UBE2J2: variants seen among roughly 807,000 people sequenced by gnomAD.
UBE2J2 encodes the protein ubiquitin-conjugating enzyme E2 J2.
UBE2J2 carries 5 observed loss-of-function variants against 28.6 expected under a neutral mutation model. That is an observed-to-expected ratio of 0.17 (90% CI 0.09 to 0.37). UBE2J2 has a LOEUF of 0.37. Among genes scored for constraint, UBE2J2 ranks in the 10% least tolerant of loss-of-function variants. The pLI, the probability that UBE2J2 is intolerant of heterozygous loss-of-function variation, is 1.00. For missense variants in UBE2J2, 226 were observed against 338.9 expected (o/e 0.67, Z 2.62); for synonymous variants, 138 against 139.7 (o/e 0.99, Z 0.09).
chr1:1,263,756 G>A (rs566832050), intron 2 of UBE2J2, among the ~76,000 whole-genome samples: 286 of 152,226 alleles, frequency 1.9e-3, no homozygotes, highest in Middle Eastern at 3.4e-3. Flanking sequence ...CACTTTGGGA[G>A]GGCACGGTGG....
intron 3 of UBE2J2, 108 bp from the exon 4 acceptor site, chr1:1,257,418 C>A (rs1639267705): frequency 1.6e-6 from 1 of 644,342 alleles, no homozygotes; most frequent in South Asian, 1.9e-5. Flanking sequence ...CTCAGCTCGG[C>A]TCCCGAGTCC....
Position 1,256,079 on chromosome 1 carries a change from T to G in UBE2J2, c.461A>C (p.Lys154Thr). 1.2e-6 allele frequency: 2 copies of G among 1,613,836 alleles called. No homozygotes were observed. The highest frequency in any genetic ancestry group is 1.7e-6 in the Non-Finnish European group (2 of 1,179,770). The change falls in exon 6 of 7, where the codon AAA becomes ACA. Residue 154 changes from lysine (K) to threonine (T), a missense_variant. Lys to Thr is a moderately conservative substitution (Grantham distance 78). Around this residue, in one of 3 missense-constraint regions of UBE2J2, gnomAD observed 133 missense variants for 161.5 expected, o/e 0.82. Coordinates refer to ENST00000349431, the MANE Select transcript of UBE2J2 (RefSeq NM_058167.3). ...TTCAGGAAATAATTCACAAAAGACT[T>G]TATCTTTCAAATTAAATGCTAAACT... ...VQSLAFNLKD[K>T]VFCELFPEVV... is the part of the protein sequence containing the mutation.
At chr1:1,260,528 C>G (rs1168547613) in intron 3 of UBE2J2, among the ~76,000 whole-genome samples, 1 of 152,224 alleles carries the variant, frequency 6.6e-6, no homozygotes, top group African/African-American at 2.4e-5. Flanking sequence ...TATCCCACTG[C>G]TTGTCACCCG....
chr1:1,268,093 T>G lies in UBE2J2; in HGVS notation c.1-101A>C. 6.6e-7 allele frequency: 1 copy of G among 1,507,272 alleles called. No homozygotes were observed. The allele number at this position is 1,507,272 out of a possible 1,614,324, so 93.4% of individuals were successfully genotyped here. ...CCCGCCTCTGCAGCCCGCCATTCAT[T>G]CAGGGCCCGGTCACCCAGAGTCACA... On this transcript the variant is annotated intron_variant, in intron 1 of 6. Transcript: ENST00000349431. This position sits in a 1 kb window ranked among gnomAD's most constrained non-coding sequence, Gnocchi z 4.7.
At chr1:1,266,227 GAGA>G (rs1373520969) in intron 2 of UBE2J2, 23 of 1,215,440 alleles carry the variant, frequency 1.9e-5, no homozygotes, top group Non-Finnish European at 2.4e-5. Context: ...CTGTGAGCCA[GAGA>G]AGGTGGACCC....
chr1:1,262,261 T>C (rs1307626330), intron 3 of UBE2J2: 1 of 452,432 alleles, frequency 2.2e-6, no homozygotes, highest in South Asian at 1.6e-5. Flanking sequence ...TCCCGGGCCT[T>C]ATCTCACCAC....
At chr1:1,266,882 T>C (rs1409927136) in intron 2 of UBE2J2, among the ~76,000 whole-genome samples, 1 of 151,490 alleles carries the variant, frequency 6.6e-6, no homozygotes, top group Non-Finnish European at 1.5e-5. Context: ...CATCCTTACA[T>C]TTTATTTTAT....
intron 1 of UBE2J2, among the ~76,000 whole-genome samples, chr1:1,270,853 C>G (rs939515266): frequency 6.6e-6 from 1 of 152,156 alleles, no homozygotes; most frequent in Admixed American, 6.5e-5. Context: ...CAAGACAGAG[C>G]AGCCCCAGCC....
chr1:1,266,828 AAAT>A (rs767336507), intron 2 of UBE2J2, among the ~76,000 whole-genome samples: 136 of 152,316 alleles, frequency 8.9e-4, no homozygotes, highest in Non-Finnish European at 1.2e-3. Context: ...CTGTCTCAAA[AAAT>A]AATAATAAGT....
intron 1 of UBE2J2, among the ~76,000 whole-genome samples, chr1:1,270,941 T>A (rs1640115336): frequency 6.6e-6 from 1 of 151,802 alleles, no homozygotes; most frequent in Non-Finnish European, 1.5e-5. Context: ...ACACTCCTTC[T>A]CACAGCTGCT....
chr1:1,267,401 T>C (rs1223416071), intron 2 of UBE2J2, among the ~76,000 whole-genome samples: 1 of 152,164 alleles, frequency 6.6e-6, no homozygotes, highest in Non-Finnish European at 1.5e-5. Flanking sequence ...ACCCTAGTCC[T>C]GTCAAATACT....
At chr1:1,269,849 G>C (rs1295593143) in intron 1 of UBE2J2, among the ~76,000 whole-genome samples, 1 of 152,132 alleles carries the variant, frequency 6.6e-6, no homozygotes, top group African/African-American at 2.4e-5. Context: ...TGACCTCCCA[G>C]TTCCCACAAA....
rs1356923593 is a variant in UBE2J2, at chr1:1,257,306, G to A, written c.177C>T (p.Gly59=). 1 of 1,602,768 alleles carries A rather than the reference G, an allele frequency of 6.2e-7. No individual in the cohort carries two copies. The highest frequency in any genetic ancestry group is 1.4e-5 in the African/African-American group (1 of 73,788). ...GAAAAATTAGTTTTCCATGATAATAGCCACCTACATGGAAACAAAACAGAA... is the reference window on the plus strand; with the variant it reads ...GAAAAATTAGTTTTCCATGATAATAACCACCTACATGGAAACAAAACAGAA... ...RGPEMTPYEG[G]YYHGKLIFPR... The change falls in exon 4 of 7, where the codon GGC becomes GGT. Residue 59 remains glycine (G), a synonymous_variant. Transcript: ENST00000349431.
intron 5 of UBE2J2, chr1:1,256,412 C>T (rs572230951): frequency 7.9e-5 from 27 of 342,734 alleles, no homozygotes; most frequent in East Asian, 7.2e-4. Flanking sequence ...CAACTGGTAC[C>T]GCCTTGGCCC....
At chr1:1,266,688 A>G (rs934831146) in intron 2 of UBE2J2, among the ~76,000 whole-genome samples, 33 of 151,522 alleles carry the variant, frequency 2.2e-4, no homozygotes, top group Middle Eastern at 6.9e-3. Flanking sequence ...TTAGCCGGGC[A>G]TGGTGGCAGG....
rs954478260 is a variant in UBE2J2, at chr1:1,265,721, G to A, written c.131+2141C>T. 9.9e-5 allele frequency among the ~76,000 whole-genome samples: 15 copies of A among 151,622 alleles called. No homozygotes were observed. In the East Asian group the frequency reaches 1.4e-3, roughly 14 times the overall value. ...CAGCTCACTGCAACCTCCGCTTCCC[G>A]GGTTCAAGCGATTCTCCTGCCTCAC... is the stretch of plus-strand genomic sequence containing the variant. On this transcript the variant is annotated intron_variant, in intron 2 of 6. Coordinates refer to ENST00000349431, the MANE Select transcript of UBE2J2 (RefSeq NM_058167.3).
chr1:1,266,985 T>C (rs1639905611), intron 2 of UBE2J2, among the ~76,000 whole-genome samples: 1 of 151,396 alleles, frequency 6.6e-6, no homozygotes, highest in Admixed American at 6.6e-5. Flanking sequence ...GCCTCCCGGG[T>C]TCAAGCGATT....
At position 1,255,005 on chromosome 1, in the gene UBE2J2, G is replaced by C; in HGVS notation, c.*198C>G. 1 of 564,950 alleles carries C rather than the reference G, an allele frequency of 1.8e-6. No homozygotes were observed. 35.0% of individuals were successfully genotyped at this position (564,950 alleles called of 1,614,324 possible). A position where few individuals can be genotyped will look rare whatever the true frequency, so the allele number is the denominator to read the frequency against. On this transcript the variant is annotated 3_prime_UTR_variant, in exon 7 of 7. Coordinates refer to ENST00000349431, the MANE Select transcript of UBE2J2 (RefSeq NM_058167.3). Reference sequence around the variant, plus strand: ...CCCACACCAGCCCCAGCGGCCCGTGGCCAGGACAGGGCTGAGGCTCCAGTC... The same window carrying C: ...CCCACACCAGCCCCAGCGGCCCGTGCCCAGGACAGGGCTGAGGCTCCAGTC...
rs970828922 is a variant in UBE2J2, at chr1:1,268,315, C to T, written c.1-323G>A. 2.0e-5 allele frequency among the ~76,000 whole-genome samples: 3 copies of T among 152,122 alleles called. No individual in the cohort carries two copies. The highest frequency in any genetic ancestry group is 2.1e-4 in the South Asian group (1 of 4,826). On this transcript the variant is annotated intron_variant, in intron 1 of 6. Transcript: ENST00000349431. This position sits in a 1 kb window ranked among gnomAD's most constrained non-coding sequence, Gnocchi z 4.7. Reference sequence around the variant, plus strand: ...CATTTACAGGGCTTGAGGGGGTATTCGGGCCACAGCCTCAGACCAGCTCCT... The same window carrying T: ...CATTTACAGGGCTTGAGGGGGTATTTGGGCCACAGCCTCAGACCAGCTCCT...
Sources: allele counts gnomAD v4.1 joint callset (sites outside exome capture counted in the v4.1 genomes callset), GRCh38; gene constraint gnomAD v4.1.1; regional missense constraint gnomAD v4.1.1; non-coding constraint Gnocchi (gnomAD v3.1); transcripts MANE v1.5; gene names NCBI Gene and HGNC (gene_info 2026-07-23, HGNC 2026-07-21).